The following TRUB1 variants were observed in gnomAD, a reference collection of about 807,000 sequenced individuals.
TRUB1 encodes pseudouridylate synthase TRUB1.
A neutral mutation model predicts 33.9 loss-of-function variants in TRUB1; 23 were observed. That is an observed-to-expected ratio of 0.68 (90% CI 0.49 to 0.96). TRUB1 has a LOEUF of 0.96. Ranked by LOEUF, TRUB1 falls within the 40% of genes least tolerant of loss-of-function variation. TRUB1 has a pLI of 0.00. For missense variants in TRUB1, 378 were observed against 422.2 expected (o/e 0.90, Z 0.92); for synonymous variants, 163 against 165.4 (o/e 0.99, Z 0.11).
At chr10:114,974,457 T>C (rs2084351054) in intron 7 of TRUB1, 72 bp downstream of exon 7, 1 of 1,367,392 alleles carries the variant, frequency 7.3e-7, no homozygotes, top group African/African-American at 1.4e-5. Context: ...GAGGGAATTT[T>C]CCGTTTTTCT....
chr10:114,952,497 G>T (rs1207430091), intron 3 of TRUB1, among the ~76,000 whole-genome samples: 1 of 152,072 alleles, frequency 6.6e-6, no homozygotes, highest in Non-Finnish European at 1.5e-5. Flanking sequence ...AGATAGGTAG[G>T]TAGGTAGGTA....
intron 3 of TRUB1, 38 bp downstream of exon 3, chr10:114,951,187 T>A: frequency 1.3e-6 from 2 of 1,509,020 alleles, no homozygotes; most frequent in Non-Finnish European, 1.8e-6. Flanking sequence ...TCTTTAATGT[T>A]CTTAATGATC....
Position 114,972,164 on chromosome 10 carries a change from G to A in TRUB1, c.626G>A (p.Arg209Lys). Residue 209 changes from arginine to lysine, a missense_variant, in exon 6 of 8, where the codon AGA becomes AAA. Physicochemically the swap from Arg to Lys is conservative, Grantham distance 26. Transcript: ENST00000298746. ...LYSALKKDGQ[R>K]LSTLMKRGEV... ...TCTGCATTAAAGAAAGATGGACAAA[G>A]ACTTTCGACTTTGATGAAGAGAGGT... 6.2e-7 allele frequency: 1 copy of A among 1,613,502 alleles called. No homozygotes were observed. Among genetic ancestry groups the A allele is most frequent in the Non-Finnish European group, 8.5e-7 (1 of 1,179,748 alleles).
Position 114,938,317 on chromosome 10 carries a change from C to A in TRUB1, c.64C>A (p.Leu22Ile). The change falls in exon 1 of 8, where the codon CTT (leucine) becomes ATT (isoleucine). Residue 22 changes from leucine to isoleucine, a missense_variant. Transcript: ENST00000298746. ...PSLKTDTSPV[L>I]ETAGTVAAMA... Reference sequence around the variant, plus strand: ...TTTGAAAACAGACACATCCCCTGTCCTTGAAACTGCAGGAACGGTCGCAGC... The same window carrying A: ...TTTGAAAACAGACACATCCCCTGTCATTGAAACTGCAGGAACGGTCGCAGC... 6.2e-7 allele frequency: 1 copy of A among 1,614,122 alleles called. No homozygotes were observed. Among genetic ancestry groups the A allele is most frequent in the Non-Finnish European group, 8.5e-7 (1 of 1,180,024 alleles).
intron 4 of TRUB1, among the ~76,000 whole-genome samples, chr10:114,968,085 ATGTGTGTGTGTG>A (rs550820951): frequency 2.0e-5 from 3 of 151,862 alleles, no homozygotes; most frequent in African/African-American, 7.3e-5. Context: ...ACGTGTGTGT[ATGTGTGTGTGTG>A]TAGAAATCAA....
intron 2 of TRUB1, among the ~76,000 whole-genome samples, chr10:114,944,594 G>C (rs576391421): frequency 2.6e-5 from 4 of 152,190 alleles, no homozygotes; most frequent in Admixed American, 2.6e-4. Flanking sequence ...AGGAGACAGA[G>C]GTTGCAGTGA....
At chr10:114,957,819 C>T (rs993828986) in intron 3 of TRUB1, among the ~76,000 whole-genome samples, 1 of 152,118 alleles carries the variant, frequency 6.6e-6, no homozygotes, top group Non-Finnish European at 1.5e-5. Flanking sequence ...AAGATTGCAC[C>T]ATGGTTTTCT....
chr10:114,939,024 C>G (rs2084172943), intron 1 of TRUB1, among the ~76,000 whole-genome samples: 1 of 152,128 alleles, frequency 6.6e-6, no homozygotes, highest in Non-Finnish European at 1.5e-5. Flanking sequence ...AATACAGATT[C>G]CTAATCCCTG....
chr10:114,939,571 A>G (rs935055634), intron 1 of TRUB1, among the ~76,000 whole-genome samples: 21 of 152,212 alleles, frequency 1.4e-4, no homozygotes, highest in Non-Finnish European at 8.8e-5. Context: ...TCTGATGGGA[A>G]TTATAACTGA....
intron 1 of TRUB1, among the ~76,000 whole-genome samples, chr10:114,940,482 T>C (rs1035246441): frequency 6.6e-6 from 1 of 152,214 alleles, no homozygotes; most frequent in Admixed American, 6.5e-5. Context: ...TGATCAGTGG[T>C]TGTGTCCTCT....
chr10:114,948,541 G>T (rs1000961749), intron 2 of TRUB1, among the ~76,000 whole-genome samples: 1 of 152,064 alleles, frequency 6.6e-6, no homozygotes, highest in Admixed American at 6.6e-5. Context: ...AATTCTGTCC[G>T]GGAAACTAAC....
At chr10:114,972,358 C>G (rs1284764411) in intron 6 of TRUB1, 84 bp downstream of exon 6, 2 of 1,396,826 alleles carry the variant, frequency 1.4e-6, no homozygotes, top group Non-Finnish European at 1.9e-6. Flanking sequence ...TTTAATAGAT[C>G]CGTAGGATGT....
rs148296541 is a variant in TRUB1, at chr10:114,976,060, A to G, written c.*681A>G. 13 of 152,700 alleles carry G rather than the reference A, an allele frequency of 8.5e-5. No homozygotes were observed. In the East Asian group the frequency reaches 2.5e-3, roughly 29 times the overall value. 9.5% of individuals were successfully genotyped at this position (152,700 alleles called of 1,614,324 possible). On this transcript the variant is annotated 3_prime_UTR_variant, in exon 8 of 8. Coordinates refer to ENST00000298746, the MANE Select transcript of TRUB1 (RefSeq NM_139169.5). The stretch of plus-strand genomic sequence containing the variant: ...GTCACCTTCCTACCATTAGAGCAGA[A>G]GACAGCTCCTATAGTTTTGTATTTT...
At chr10:114,967,077 G>A (rs2084311704) in intron 4 of TRUB1, among the ~76,000 whole-genome samples, 1 of 152,148 alleles carries the variant, frequency 6.6e-6, no homozygotes, top group Admixed American at 6.5e-5. Flanking sequence ...GTACAGCTTA[G>A]AATTTAGTCA....
chr10:114,969,352 G>T (rs1285091018), intron 4 of TRUB1: 1 of 150,132 alleles, frequency 6.7e-6, no homozygotes, highest in African/African-American at 2.4e-5. Flanking sequence ...AGAATCGCTT[G>T]AACCCAGGAG....
chr10:114,971,130 G>T (rs2143029162), intron 5 of TRUB1, among the ~76,000 whole-genome samples: 1 of 152,278 alleles, frequency 6.6e-6, no homozygotes, highest in African/African-American at 2.4e-5. Context: ...TAGTAGAAGG[G>T]GCAAGGCAGC....
chr10:114,975,709 CAAAG>C lies in TRUB1; in HGVS notation c.*334_*337del, dbSNP rs1279158324. The C allele has an allele frequency of 6.0e-6, 1 of 165,558 alleles. No individual in the cohort carries two copies. The highest frequency in any genetic ancestry group is 2.4e-5 in the African/African-American group (1 of 41,984). The allele number at this position is 165,558 out of a possible 1,614,324, so 10.3% of individuals were successfully genotyped here. On this transcript the variant is annotated 3_prime_UTR_variant, in exon 8 of 8. Coordinates refer to ENST00000298746, the MANE Select transcript of TRUB1 (RefSeq NM_139169.5). ...GAAAAAGTTGAACAAATTTCCTAAT[CAAAG>C]AAAAAAGTATGAGCTCCATGTTTCT...
rs186107770 is a variant in TRUB1 at position 114,954,424 on chromosome 10, A to G, written c.441+3275A>G. ...TCATACAACTACTGTCACTTACTAGATGAAATTCTGGCTTTTAAGTAAAAT... is the reference window on the plus strand; with the variant it reads ...TCATACAACTACTGTCACTTACTAGGTGAAATTCTGGCTTTTAAGTAAAAT... On this transcript the variant is annotated intron_variant, in intron 3 of 7. Transcript: ENST00000298746. Among the ~76,000 whole-genome samples, 22 of 152,332 alleles carry G rather than the reference A, an allele frequency of 1.4e-4. No homozygotes were observed. The East Asian group carries it at 4.2e-3, about 29-fold the overall frequency.
chr10:114,942,879 A>G (rs1564696997), intron 2 of TRUB1, 136 bp downstream of exon 2: 2 of 600,300 alleles, frequency 3.3e-6, no homozygotes, highest in Non-Finnish European at 5.9e-6. Context: ...CTGGATATAT[A>G]TAGTGCCATC....
Sources: allele counts gnomAD v4.1 joint callset (sites outside exome capture counted in the v4.1 genomes callset), GRCh38; gene constraint gnomAD v4.1.1; transcripts MANE v1.5; gene names NCBI Gene and HGNC (gene_info 2026-07-23, HGNC 2026-07-21).